The following CCND2 variants were observed in gnomAD, a reference collection of about 807,000 sequenced individuals.
CCND2 encodes cyclin D2, also known as G1/S-specific cyclin-D2.
In CCND2, 6 loss-of-function variants were observed where a neutral mutation model predicts 30.2. The ratio of observed to expected loss-of-function variants is 0.20; its 90% CI spans 0.11 to 0.39. The LOEUF (loss-of-function observed/expected upper bound fraction) is 0.39. CCND2 is among the 10% of genes least tolerant of loss of function. CCND2 has a pLI of 1.00. For synonymous variants in CCND2, 150 were observed against 153.1 expected (o/e 0.98, Z 0.15); for missense variants, 235 against 373.4 (o/e 0.63, Z 3.06).
At chr12:4,291,792 T>C (rs1565436293) in intron 4 of CCND2, among the ~76,000 whole-genome samples, 2 of 152,324 alleles carry the variant, frequency 1.3e-5, no homozygotes, top group East Asian at 3.9e-4. Context: ...GAAATTCCGA[T>C]CCATGTTATA....
chr12:4,283,342 G>A (rs1863978360), intron 3 of CCND2, among the ~76,000 whole-genome samples: 1 of 152,146 alleles, frequency 6.6e-6, no homozygotes, highest in Non-Finnish European at 1.5e-5. Flanking sequence ...CGCCACCTTT[G>A]GGGCTCTTCT....
In CCND2 at chr12:4,304,642, G is replaced by C. The variant is rs187282643; in HGVS notation, c.*4633G>C. On this transcript the variant is annotated 3_prime_UTR_variant, in exon 5 of 5. Coordinates refer to ENST00000261254, the MANE Select transcript of CCND2 (RefSeq NM_001759.4). This position sits in a 1 kb window ranked among gnomAD's most constrained non-coding sequence, Gnocchi z 6.2. Reference sequence around the variant, plus strand: ...GGCTGGGCTATCAGACCCTATTCTCGGCTCAGGTTTTGAGAAGCCATCAGC... The same window carrying C: ...GGCTGGGCTATCAGACCCTATTCTCCGCTCAGGTTTTGAGAAGCCATCAGC... 4.3e-6 allele frequency: 1 copy of C among 233,446 alleles called. No homozygotes were observed. Among genetic ancestry groups the C allele is most frequent in the Non-Finnish European group, 8.5e-6 (1 of 118,042 alleles). 14.5% of individuals were successfully genotyped at this position (233,446 alleles called of 1,614,324 possible).
chr12:4,274,118 C>T lies in CCND2; in HGVS notation c.78C>T (p.Val26=). Residue 26 remains valine (V), a synonymous_variant, in exon 1 of 5, where the codon GTC becomes GTT. Coordinates refer to ENST00000261254, the MANE Select transcript of CCND2 (RefSeq NM_001759.4). This position sits in a 1 kb window ranked among gnomAD's most constrained non-coding sequence, Gnocchi z 7.7. ...GCAACCTGCTCCGAGACGACCGCGT[C>T]CTGCAGAACCTGCTCACCATCGAGG... is the stretch of plus-strand genomic sequence containing the variant. ...RDRNLLRDDR[V]LQNLLTIEER... 1 of 1,614,076 alleles carries T rather than the reference C, an allele frequency of 6.2e-7. No individual in the cohort carries two copies. The highest frequency in any genetic ancestry group is 8.5e-7 in the Non-Finnish European group (1 of 1,179,980).
At chr12:4,275,088 T>C (rs1312505260) in intron 1 of CCND2, 1 of 151,812 alleles carries the variant, frequency 6.6e-6, no homozygotes, top group Admixed American at 6.6e-5. Context: ...AGGGGGTGTG[T>C]GTAGGGGGGA....
Position 4,276,357 on chromosome 12 carries a change from G to T in CCND2, c.411+137G>T, listed in dbSNP as rs1048178472. Reference sequence around the variant, plus strand: ...CCACCAATAGAATTTACCCACTTATGGGCGATAGCTCATTTAATAGGAAAC... The same window carrying T: ...CCACCAATAGAATTTACCCACTTATTGGCGATAGCTCATTTAATAGGAAAC... On this transcript the variant is annotated intron_variant, in intron 2 of 4. Coordinates refer to ENST00000261254, the MANE Select transcript of CCND2 (RefSeq NM_001759.4). The surrounding 1 kb of genome is among the most constrained non-coding windows in gnomAD (Gnocchi z 4.8). The T allele has an allele frequency of 3.0e-6, 2 of 672,900 alleles. No homozygotes were observed. The highest frequency in any genetic ancestry group is 3.6e-5 in the African/African-American group (2 of 55,158). The allele number at this position is 672,900 out of a possible 1,614,324, so 41.7% of individuals were successfully genotyped here.
In CCND2 at chr12:4,285,334, G is replaced by A. The variant is rs574849796; in HGVS notation, c.572-3508G>A. On this transcript the variant is annotated intron_variant, in intron 3 of 4. Coordinates refer to ENST00000261254, the MANE Select transcript of CCND2 (RefSeq NM_001759.4). The surrounding 1 kb of genome is among the most constrained non-coding windows in gnomAD (Gnocchi z 4.1). ...CTCTCCAGGTGGGCAATTAACGATGGCGAGGGCACACCCTCACCCCTGAGC... is the reference window on the plus strand; with the variant it reads ...CTCTCCAGGTGGGCAATTAACGATGACGAGGGCACACCCTCACCCCTGAGC... 7.0e-5 allele frequency: 69 copies of A among 985,274 alleles called. No homozygotes were observed. The highest frequency in any genetic ancestry group is 8.2e-5 in the Non-Finnish European group (68 of 829,932). 61.0% of individuals were successfully genotyped at this position (985,274 alleles called of 1,614,324 possible).
In CCND2 at chr12:4,273,813, C is replaced by G. The variant is rs1216233683; in HGVS notation, c.-228C>G. On this transcript the variant is annotated 5_prime_UTR_variant, in exon 1 of 5. Coordinates refer to ENST00000261254, the MANE Select transcript of CCND2 (RefSeq NM_001759.4). This position sits in a 1 kb window ranked among gnomAD's most constrained non-coding sequence, Gnocchi z 5.9. ...AGCGAGACCAGTTTTAAGGGGAGGA[C>G]CGGTGCGAGTGAGGCAGCCCCGAGG... The G allele has an allele frequency of 1.9e-5, 11 of 590,614 alleles. No individual in the cohort carries two copies. Among genetic ancestry groups the G allele is most frequent in the Admixed American group, 1.8e-4 (6 of 32,736 alleles). 36.6% of individuals were successfully genotyped at this position (590,614 alleles called of 1,614,324 possible).
Position 4,287,105 on chromosome 12 carries a change from G to A in CCND2, c.572-1737G>A, listed in dbSNP as rs1864034461. Among the ~76,000 whole-genome samples the A allele has an allele frequency of 6.6e-6, 1 of 152,240 alleles. No individual in the cohort carries two copies. Among genetic ancestry groups the A allele is most frequent in the Admixed American group, 6.5e-5 (1 of 15,292 alleles). On this transcript the variant is annotated intron_variant, in intron 3 of 4. Coordinates refer to ENST00000261254, the MANE Select transcript of CCND2 (RefSeq NM_001759.4). This position sits in a 1 kb window ranked among gnomAD's most constrained non-coding sequence, Gnocchi z 4.0. ...TCATGGCGACAGAGAAGGCGTAGGA[G>A]GGGCGGGTGGACAGCAGGCGTGGGC...
Position 4,293,687 on chromosome 12 carries a change from G to T in CCND2, c.720+4697G>T, listed in dbSNP as rs1464127997. 1.3e-5 allele frequency among the ~76,000 whole-genome samples: 2 copies of T among 152,174 alleles called. No individual in the cohort carries two copies. The highest frequency in any genetic ancestry group is 3.8e-4 in the East Asian group (2 of 5,202). On this transcript the variant is annotated intron_variant, in intron 4 of 4. Transcript: ENST00000261254. The surrounding 1 kb of genome is among the most constrained non-coding windows in gnomAD (Gnocchi z 4.9). Reference sequence around the variant, plus strand: ...AAAAGCAGGGAGGTGGAGGCGCCGTGGAAGAAGTCTCAGTTTCGACCACAT... The same window carrying T: ...AAAAGCAGGGAGGTGGAGGCGCCGTTGAAGAAGTCTCAGTTTCGACCACAT...
rs1291647185 is a variant in CCND2 at position 4,299,450 on chromosome 12, G to A, written c.721-410G>A. 1.3e-5 allele frequency among the ~76,000 whole-genome samples: 2 copies of A among 152,164 alleles called. No individual in the cohort carries two copies. Among genetic ancestry groups the A allele is most frequent in the Non-Finnish European group, 2.9e-5 (2 of 68,020 alleles). ...GTTTGCTAATGTCATAGCACTTCTA[G>A]TAGCCTTCCCCTTTTCTCTGCCACT... On this transcript the variant is annotated intron_variant, in intron 4 of 4. Coordinates refer to ENST00000261254, the MANE Select transcript of CCND2 (RefSeq NM_001759.4). This position sits in a 1 kb window ranked among gnomAD's most constrained non-coding sequence, Gnocchi z 5.2.
chr12:4,279,126 A>G (rs1296453388), intron 3 of CCND2, among the ~76,000 whole-genome samples: 1 of 152,220 alleles, frequency 6.6e-6, no homozygotes, highest in Non-Finnish European at 1.5e-5. Flanking sequence ...CTAAACTCAT[A>G]AATGGTTTAT....
chr12:4,275,242 C>T (rs144344078), intron 1 of CCND2: 3 of 152,146 alleles, frequency 2.0e-5, no homozygotes. Context: ...CCGCGGCGCT[C>T]ACCCCTTCAA....
chr12:4,293,104 TC>T lies in CCND2; in HGVS notation c.720+4116del. Among the ~76,000 whole-genome samples, 1 of 152,336 alleles carries T rather than the reference TC, an allele frequency of 6.6e-6. No homozygotes were observed. The highest frequency in any genetic ancestry group is 2.1e-4 in the South Asian group (1 of 4,820). The stretch of plus-strand genomic sequence containing the variant: ...AGTGGGTTTCCGATTCACTGGTCTG[TC>T]CATGTCCTTTGAAAAGCTGTGTCTT... On this transcript the variant is annotated intron_variant, in intron 4 of 4. Coordinates refer to ENST00000261254, the MANE Select transcript of CCND2 (RefSeq NM_001759.4). The surrounding 1 kb of genome is among the most constrained non-coding windows in gnomAD (Gnocchi z 4.9).
chr12:4,291,481 G>A (rs922984011), intron 4 of CCND2, among the ~76,000 whole-genome samples: 1 of 152,138 alleles, frequency 6.6e-6, no homozygotes, highest in Non-Finnish European at 1.5e-5. Flanking sequence ...GGGGTGGATG[G>A]TGGCATCTGG....
chr12:4,295,949 C>T (rs942969652), intron 4 of CCND2, among the ~76,000 whole-genome samples: 11 of 152,352 alleles, frequency 7.2e-5, no homozygotes, highest in Admixed American at 1.3e-4. Context: ...CTACTGTGCA[C>T]GCACATGTCA....
chr12:4,291,790 G>A (rs1271783751), intron 4 of CCND2, among the ~76,000 whole-genome samples: 1 of 152,090 alleles, frequency 6.6e-6, no homozygotes. Context: ...ATGAAATTCC[G>A]ATCCATGTTA....
intron 4 of CCND2, among the ~76,000 whole-genome samples, chr12:4,292,562 C>T (rs776290112): frequency 2.0e-5 from 3 of 152,182 alleles, no homozygotes; most frequent in Non-Finnish European, 2.9e-5. Context: ...GGGACGCATG[C>T]GGCTCTGAGA....
chr12:4,284,543 G>C (rs911121121), intron 3 of CCND2, among the ~76,000 whole-genome samples: 10 of 152,194 alleles, frequency 6.6e-5, no homozygotes, highest in Non-Finnish European at 4.4e-5. Context: ...CAGCAACCTG[G>C]AGAAAGGCCC....
At chr12:4,281,689 G>A (rs1863950378) in intron 3 of CCND2, among the ~76,000 whole-genome samples, 1 of 152,158 alleles carries the variant, frequency 6.6e-6, no homozygotes, top group Non-Finnish European at 1.5e-5. Context: ...GGAAAAGCTG[G>A]TTGTGAAAGA....
Sources: gnomAD v4.1 joint callset for allele counts (sites outside exome capture counted in the v4.1 genomes callset) on GRCh38, gnomAD v4.1.1 for gene constraint, Gnocchi (gnomAD v3.1) non-coding constraint, MANE v1.5 for transcripts, NCBI Gene and HGNC (gene_info 2026-07-23, HGNC 2026-07-21) for gene names.